FNTB: variants seen among roughly 807,000 people sequenced by gnomAD.
FNTB encodes the protein farnesyltransferase, CAAX box, subunit beta.
A neutral mutation model predicts 59.4 loss-of-function variants in FNTB; 27 were observed. That is an observed-to-expected ratio of 0.45 (90% CI 0.34 to 0.63). The LOEUF is 0.63. Ranked by LOEUF, FNTB falls within the 20% of genes least tolerant of loss-of-function variation. The probability of loss-of-function intolerance (pLI) is 0.02; values close to 1 mark genes in which losing one functional copy is unlikely to be tolerated. For missense variants in FNTB, 449 were observed against 559.6 expected (o/e 0.80, Z 1.99); for synonymous variants, 230 against 220.7 (o/e 1.04, Z -0.37).
At chr14:65,048,039 G>A (rs2062522669) in intron 9 of FNTB, among the ~76,000 whole-genome samples, 1 of 131,654 alleles carries the variant, frequency 7.6e-6, no homozygotes, top group Non-Finnish European at 1.5e-5. Context: ...TGAGGCTGGA[G>A]TGCAGTGGTG....
chr14:65,016,921 T>TTG lies in FNTB; in HGVS notation c.374+1206_374+1207insGT, dbSNP rs1491454001. Among the ~76,000 whole-genome samples the TTG allele has an allele frequency of 3.8e-3, 170 of 44,268 alleles. 1 individual carries two copies. The highest frequency in any genetic ancestry group is 0.02 in the African/African-American group (170 of 8,490). The allele number at this position is 44,268 out of a possible 152,430, so 29.0% of individuals were successfully genotyped here. A position where few individuals can be genotyped will look rare whatever the true frequency, so the allele number is the denominator to read the frequency against. On this transcript the variant is annotated intron_variant, in intron 4 of 11. Transcript: ENST00000246166. ...AATTGTCAAAGAAAGGCCCACGTGG[T>TTG]TTTTTTTTTTTTTTTTTTTGAGACA...
chr14:65,018,095 A>G (rs2061814194), intron 4 of FNTB, among the ~76,000 whole-genome samples: 1 of 152,232 alleles, frequency 6.6e-6, no homozygotes, highest in South Asian at 2.1e-4. Context: ...TAACCCCAGC[A>G]CTTTGGGAGG....
In FNTB at chr14:65,001,373, C is replaced by T. The variant is rs1395571740; in HGVS notation, c.145-2876C>T. 1.3e-5 allele frequency among the ~76,000 whole-genome samples: 2 copies of T among 152,094 alleles called. No homozygotes were observed. Among genetic ancestry groups the T allele is most frequent in the East Asian group, 1.9e-4 (1 of 5,198 alleles). ...GTATTCAGTACAGTAATATGCTGTA[C>T]AGGTCTGTGGCCCAGGAGCAGTAGG... On this transcript the variant is annotated intron_variant, in intron 1 of 11. Transcript: ENST00000246166. This position sits in a 1 kb window ranked among gnomAD's most constrained non-coding sequence, Gnocchi z 5.5.
At chr14:65,056,217 ATC>A (rs1232697590) in intron 11 of FNTB, among the ~76,000 whole-genome samples, 4 of 152,116 alleles carry the variant, frequency 2.6e-5, no homozygotes, top group Non-Finnish European at 4.4e-5. Flanking sequence ...TTTGAGGTTT[ATC>A]TGTGTTCACA....
In FNTB at chr14:65,021,247, G is replaced by C. The variant is rs772905520; in HGVS notation, c.374+5531G>C. Reference sequence around the variant, plus strand: ...ACAGGGAGACCATCGCACTGTTAAAGTTATGTTTTTAGCTTCTGTAAGATT... The same window carrying C: ...ACAGGGAGACCATCGCACTGTTAAACTTATGTTTTTAGCTTCTGTAAGATT... On this transcript the variant is annotated intron_variant, in intron 4 of 11. Coordinates refer to ENST00000246166, the MANE Select transcript of FNTB (RefSeq NM_002028.4). Among the ~76,000 whole-genome samples the C allele has an allele frequency of 2.0e-5, 3 of 152,264 alleles. No individual in the cohort carries two copies. In the South Asian group the frequency reaches 6.2e-4, roughly 32 times the overall value.
chr14:65,025,466 C>T (rs995687283), intron 4 of FNTB, among the ~76,000 whole-genome samples: 6 of 152,152 alleles, frequency 3.9e-5, no homozygotes, highest in South Asian at 4.1e-4. Context: ...GAATTGATGA[C>T]GATTTGGAAA....
At chr14:64,987,500 A>G (rs1887996355) in intron 1 of FNTB, 1 of 218,820 alleles carries the variant, frequency 4.6e-6, no homozygotes, top group Non-Finnish European at 9.5e-6. Context: ...GGAGGCAGAG[A>G]GCAGGGCCAG....
chr14:65,013,574 G>A (rs958476305), intron 3 of FNTB, among the ~76,000 whole-genome samples: 3 of 152,178 alleles, frequency 2.0e-5, no homozygotes, highest in Non-Finnish European at 2.9e-5. Context: ...TTATGAGATG[G>A]AGTCTCGCTG....
intron 1 of FNTB, among the ~76,000 whole-genome samples, chr14:64,996,863 G>T (rs188749611): frequency 1.4e-5 from 2 of 146,004 alleles, no homozygotes. Context: ...CCCCAGTTCA[G>T]TGTGCCTGCC....
intron 11 of FNTB, among the ~76,000 whole-genome samples, chr14:65,060,870 C>CA (rs58241887): frequency 0.016 from 1,237 of 79,498 alleles, 62 homozygotes; most frequent in Non-Finnish European, 0.02. Context: ...AAGACTCTCT[C>CA]AAAAAAAAAA....
intron 1 of FNTB, among the ~76,000 whole-genome samples, chr14:64,988,341 G>A (rs1888035929): frequency 6.6e-6 from 1 of 151,730 alleles, no homozygotes; most frequent in Non-Finnish European, 1.5e-5. Context: ...TCCCATTGAT[G>A]AAAAACCTAC....
chr14:65,023,297 G>T lies in FNTB; in HGVS notation c.375-4156G>T, dbSNP rs1243379049. Among the ~76,000 whole-genome samples, 3 of 152,228 alleles carry T rather than the reference G, an allele frequency of 2.0e-5. No individual in the cohort carries two copies. The East Asian group carries it at 5.8e-4, about 29-fold the overall frequency. ...TGGCCTTGAACTCCTGAGCTCAAGT[G>T]ATCCCCCTCACCTCAGCCAAAGTGC... is the stretch of plus-strand genomic sequence containing the variant. On this transcript the variant is annotated intron_variant, in intron 4 of 11. Transcript: ENST00000246166. The surrounding 1 kb of genome is among the most constrained non-coding windows in gnomAD (Gnocchi z 4.1).
At chr14:64,998,653 T>A (rs1888493081) in intron 1 of FNTB, among the ~76,000 whole-genome samples, 1 of 152,246 alleles carries the variant, frequency 6.6e-6, no homozygotes, top group South Asian at 2.1e-4. Flanking sequence ...TCAGGATTTT[T>A]AAACACAAGT....
At chr14:65,045,992 A>G (rs1034872989) in intron 9 of FNTB, among the ~76,000 whole-genome samples, 8 of 152,004 alleles carry the variant, frequency 5.3e-5, no homozygotes, top group African/African-American at 1.9e-4. Flanking sequence ...TTATTTTAGT[A>G]TTATTTTTTT....
At chr14:65,019,063 CTCAGG>C (rs2061836232) in intron 4 of FNTB, among the ~76,000 whole-genome samples, 8 of 152,094 alleles carry the variant, frequency 5.3e-5, no homozygotes, top group Admixed American at 4.6e-4. Context: ...CCGGCTCCTA[CTCAGG>C]AGGCTGAGGC....
At chr14:65,005,501 C>CTT (rs1555390086) in intron 2 of FNTB, among the ~76,000 whole-genome samples, 15 of 133,450 alleles carry the variant, frequency 1.1e-4, no homozygotes, top group African/African-American at 4.4e-4. Context: ...TTCTTTCTTT[C>CTT]TTTCTTTCTT....
intron 11 of FNTB, among the ~76,000 whole-genome samples, chr14:65,057,912 G>A (rs185163386): frequency 4.8e-4 from 73 of 152,270 alleles, no homozygotes; most frequent in Non-Finnish European, 5.7e-4. Context: ...CCTTTGGTCT[G>A]TTTGCCTATC....
At position 64,996,302 on chromosome 14, in the gene FNTB, AAGAC is replaced by A. The variant is rs750232493; in HGVS notation, c.145-7943_145-7940del. On this transcript the variant is annotated intron_variant, in intron 1 of 11. Coordinates refer to ENST00000246166, the MANE Select transcript of FNTB (RefSeq NM_002028.4). ...CCATCTCTATTATAAGAAAGAAAGAAAGACAGAGAGGGGAGAGAAAGTAAGAAAG... is the reference window on the plus strand; with the variant it reads ...CCATCTCTATTATAAGAAAGAAAGAAAGAGAGGGGAGAGAAAGTAAGAAAG... 1.1e-3 allele frequency among the ~76,000 whole-genome samples: 167 copies of A among 152,076 alleles called. 1 individual carries two copies. The highest frequency in any genetic ancestry group is 2.0e-3 in the Non-Finnish European group (135 of 67,990).
Position 65,054,626 on chromosome 14 carries a change from C to G in FNTB, c.1119C>G (p.Ala373=). The change falls in exon 11 of 12, where the codon GCC becomes GCG. Residue 373 remains alanine (A), a synonymous_variant. Coordinates refer to ENST00000246166, the MANE Select transcript of FNTB (RefSeq NM_002028.4). This position sits in a 1 kb window ranked among gnomAD's most constrained non-coding sequence, Gnocchi z 4.4. ...ACTGCCTGAGCGGCCTGTCCATAGC[C>G]CAGCACTTCGGCAGCGGAGCCATGT... The part of the protein sequence containing the change: ...TCYCLSGLSI[A]QHFGSGAMLH... 3.1e-6 allele frequency: 5 copies of G among 1,613,862 alleles called. No individual in the cohort carries two copies. The highest frequency in any genetic ancestry group is 1.1e-5 in the South Asian group (1 of 90,982).
Sources: allele counts gnomAD v4.1 joint callset (sites outside exome capture counted in the v4.1 genomes callset), GRCh38; gene constraint gnomAD v4.1.1; non-coding constraint Gnocchi (gnomAD v3.1); transcripts MANE v1.5; gene names NCBI Gene and HGNC (gene_info 2026-07-23, HGNC 2026-07-21).